The following EFCC1 variants were observed in gnomAD, a reference collection of about 807,000 sequenced individuals.
EFCC1 encodes the protein EF-hand and coiled-coil domain containing 1.
Under a neutral mutation model 52.1 loss-of-function variants are expected in EFCC1, and 50 were observed. The ratio of observed to expected loss-of-function variants is 0.96; its 90% confidence interval spans 0.76 to 1.21. The LOEUF (loss-of-function observed/expected upper bound fraction) is 1.21. EFCC1 is among the 50% of genes most tolerant of loss of function. The pLI is 0.00. For synonymous variants in EFCC1, 399 were observed against 396.5 expected (o/e 1.01, Z -0.08); for missense variants, 837 against 867.3 (o/e 0.97, Z 0.44).
chr3:129,039,676 C>T, intron 7 of EFCC1, 36 bp from the exon 8 acceptor site: 1 of 1,557,514 alleles, frequency 6.4e-7, no homozygotes. Flanking sequence ...GGTGAGCAGA[C>T]TGATCCTGCC....
chr3:129,039,316 G>A lies in EFCC1; in HGVS notation c.1664-396G>A, dbSNP rs930742358. 8.5e-5 allele frequency among the ~76,000 whole-genome samples: 13 copies of A among 152,328 alleles called. 2 individuals carry two copies. Among genetic ancestry groups the A allele is most frequent in the Admixed American group, 5.9e-4 (9 of 15,310 alleles). ...CTTAAGCACTCAATAACATGGACCC[G>A]GTGTTTAGACGAAGCTCAGGGAGCA... is the stretch of plus-strand genomic sequence containing the variant. On this transcript the variant is annotated intron_variant, in intron 7 of 7. Coordinates refer to ENST00000683648, the MANE Select transcript of EFCC1 (RefSeq NM_001377500.1).
chr3:129,019,293 C>T (rs915339818), intron 2 of EFCC1, among the ~76,000 whole-genome samples: 16 of 152,180 alleles, frequency 1.1e-4, no homozygotes, highest in African/African-American at 3.6e-4. Flanking sequence ...GGAGTCTACC[C>T]TTTTGGGTGA....
chr3:129,002,099 G>T lies in EFCC1; in HGVS notation c.471G>T (p.Ala157=). Residue 157 remains alanine (A), a synonymous_variant, in exon 1 of 8, where the codon GCG becomes GCT. Coordinates refer to ENST00000683648, the MANE Select transcript of EFCC1 (RefSeq NM_001377500.1). ...TCTGTGGCTACTTCGGCACCCGTGC[G>T]GGGCCCCGGCTGCCCCGCGGCGCTC... The part of the protein sequence containing the change: ...ARLCGYFGTR[A]GPRLPRGALS... 1 of 1,507,188 alleles carries T rather than the reference G, an allele frequency of 6.6e-7. No individual in the cohort carries two copies. The highest frequency in any genetic ancestry group is 8.8e-7 in the Non-Finnish European group (1 of 1,130,172). 93.4% of individuals were successfully genotyped at this position (1,507,188 alleles called of 1,614,324 possible).
In EFCC1 at chr3:129,001,758, G is replaced by C. The variant is rs1202785164; in HGVS notation, c.130G>C (p.Val44Leu). 3 of 1,541,806 alleles carry C rather than the reference G, an allele frequency of 1.9e-6. No individual in the cohort carries two copies. The highest frequency in any genetic ancestry group is 2.6e-6 in the Non-Finnish European group (3 of 1,145,162). Residue 44 changes from valine to leucine, a missense_variant, in exon 1 of 8, where the codon GTG (valine) becomes CTG (leucine). Physicochemically the swap from Val to Leu is conservative, Grantham distance 32. Transcript: ENST00000683648. ...LAHHYGLDRG[V>L]ENEIVVLATG... ...GCACCACTACGGGCTGGACCGCGGC[G>C]TGGAGAACGAGATCGTGGTGCTGGC...
At chr3:129,027,580 C>CA (rs1576773390) in intron 2 of EFCC1, among the ~76,000 whole-genome samples, 1 of 152,192 alleles carries the variant, frequency 6.6e-6, no homozygotes, top group East Asian at 1.9e-4. Flanking sequence ...CTCCGAATGG[C>CA]ACCTCCCGAG....
At position 129,034,235 on chromosome 3, in the gene EFCC1, C is replaced by A. The variant is rs1284494804; in HGVS notation, c.1358C>A (p.Thr453Asn). Residue 453 changes from threonine to asparagine, a missense_variant, in exon 5 of 8, where the codon ACC becomes AAC. Physicochemically the swap from Thr to Asn is moderately conservative, Grantham distance 65 (BLOSUM62 0). Transcript: ENST00000683648. ...GHFGGANHAH[T>N]LGELEACIAM... ...TTCGGCGGTGCCAACCATGCCCATA[C>A]CCTGGGGGAGCTGGAGGCCTGCATT... 1.2e-6 allele frequency: 2 copies of A among 1,614,086 alleles called. No individual in the cohort carries two copies. Among genetic ancestry groups the A allele is most frequent in the African/African-American group, 2.7e-5 (2 of 74,918 alleles).
rs1201714343 is a variant in EFCC1, at chr3:129,003,986, C to A, written c.889C>A (p.His297Asn). ...EARQVVLRSL[H>N]RVRELEALAQ... ...CCGGCAGGTGGTGCTGCGCAGCCTGCACCGCGTGCGAGAGCTGGAGGCGCT... is the reference window on the plus strand; with the variant it reads ...CCGGCAGGTGGTGCTGCGCAGCCTGAACCGCGTGCGAGAGCTGGAGGCGCT... Residue 297 changes from histidine (H) to asparagine (N), a missense_variant, in exon 2 of 8, where the codon CAC (histidine) becomes AAC (asparagine). Physicochemically the swap from His to Asn is moderately conservative, Grantham distance 68. Coordinates refer to ENST00000683648, the MANE Select transcript of EFCC1 (RefSeq NM_001377500.1). The A allele has an allele frequency of 1.3e-6, 2 of 1,497,728 alleles. No individual in the cohort carries two copies. Among genetic ancestry groups the A allele is most frequent in the African/African-American group, 1.5e-5 (1 of 68,876 alleles). The allele number at this position is 1,497,728 out of a possible 1,614,324, so 92.8% of individuals were successfully genotyped here. A position where few individuals can be genotyped will look rare whatever the true frequency, so the allele number is the denominator to read the frequency against.
chr3:129,038,872 G>C lies in EFCC1; in HGVS notation c.1635G>C (p.Thr545=). Residue 545 remains threonine, a synonymous_variant, in exon 7 of 8, where the codon ACG becomes ACC. Coordinates refer to ENST00000683648, the MANE Select transcript of EFCC1 (RefSeq NM_001377500.1). ...KRALGKILLS[T]LDAFRDPTHE... is the part of the protein sequence containing the mutation. The stretch of plus-strand genomic sequence containing the variant: ...CCCTGGGGAAGATTTTGCTGAGCAC[G>C]CTGGACGCTTTCAGGGACCCCACCC... The C allele has an allele frequency of 6.2e-7, 1 of 1,613,960 alleles. No individual in the cohort carries two copies. Among genetic ancestry groups the C allele is most frequent in the Non-Finnish European group, 8.5e-7 (1 of 1,180,024 alleles).
At chr3:129,027,482 G>T (rs1183623432) in intron 2 of EFCC1, among the ~76,000 whole-genome samples, 1 of 152,174 alleles carries the variant, frequency 6.6e-6, no homozygotes, top group Non-Finnish European at 1.5e-5. Context: ...CAGTCACGCG[G>T]ATCAGCCGCG....
intron 2 of EFCC1, among the ~76,000 whole-genome samples, chr3:129,029,471 C>CA (rs1946223206): frequency 6.6e-6 from 1 of 152,140 alleles, no homozygotes; most frequent in Non-Finnish European, 1.5e-5. Flanking sequence ...TGTGGTGACT[C>CA]ACATCTGAAA....
chr3:129,019,131 G>A (rs1490827011), intron 2 of EFCC1, among the ~76,000 whole-genome samples: 1 of 152,254 alleles, frequency 6.6e-6, no homozygotes, highest in Non-Finnish European at 1.5e-5. Context: ...TGGCCCCAGT[G>A]TGTTCTTTGA....
intron 2 of EFCC1, among the ~76,000 whole-genome samples, chr3:129,017,420 G>A (rs573341216): frequency 1.3e-5 from 2 of 152,242 alleles, no homozygotes; most frequent in East Asian, 1.9e-4. Flanking sequence ...AAGTCCAGGC[G>A]GGCGTGGCGG....
chr3:129,038,965 T>A (rs748061270), intron 7 of EFCC1, 65 bp downstream of exon 7: 23 of 1,335,504 alleles, frequency 1.7e-5, no homozygotes, highest in Non-Finnish European at 2.5e-5. Flanking sequence ...AGGAGGAGAC[T>A]CCAGTGTGCT....
Position 129,040,078 on chromosome 3 carries a change from T to C in EFCC1, c.*230T>C. ...CATTACCTCGCAGCCCCTGCATTCCTGCCACCAGAGTCCACATTAAAGCCC... is the reference window on the plus strand; with the variant it reads ...CATTACCTCGCAGCCCCTGCATTCCCGCCACCAGAGTCCACATTAAAGCCC... On this transcript the variant is annotated 3_prime_UTR_variant, in exon 8 of 8. Coordinates refer to ENST00000683648, the MANE Select transcript of EFCC1 (RefSeq NM_001377500.1). This position sits in a 1 kb window ranked among gnomAD's most constrained non-coding sequence, Gnocchi z 4.4. 1 of 491,806 alleles carries C rather than the reference T, an allele frequency of 2.0e-6. No individual in the cohort carries two copies. The allele number at this position is 491,806 out of a possible 1,614,324, so 30.5% of individuals were successfully genotyped here. A position where few individuals can be genotyped will look rare whatever the true frequency, so the allele number is the denominator to read the frequency against.
chr3:129,031,431 G>A (rs1946270916), intron 3 of EFCC1, among the ~76,000 whole-genome samples: 2 of 152,098 alleles, frequency 1.3e-5, no homozygotes, highest in African/African-American at 4.8e-5. Context: ...ACAGAGTGGG[G>A]CCCTGCCCCC....
In EFCC1 at chr3:129,002,224, G is replaced by C. The variant is rs1419737790; in HGVS notation, c.596G>C (p.Arg199Pro). The part of the protein sequence containing the change: ...PGPDSGPDCE[R>P]VARLEEENSS... ...CCCGACAGCGGTCCTGACTGTGAGC[G>C]CGTTGCGCGGCTGGAGGAGGAGAAT... is the stretch of plus-strand genomic sequence containing the variant. Residue 199 changes from arginine (R) to proline (P), a missense_variant, in exon 1 of 8, where the codon CGC (arginine) becomes CCC (proline). Physicochemically the swap from Arg to Pro is moderately radical, Grantham distance 103 (BLOSUM62 -2). Coordinates refer to ENST00000683648, the MANE Select transcript of EFCC1 (RefSeq NM_001377500.1). The C allele has an allele frequency of 1.3e-6, 2 of 1,528,862 alleles. No homozygotes were observed. Among genetic ancestry groups the C allele is most frequent in the Non-Finnish European group, 1.7e-6 (2 of 1,143,486 alleles). The allele number at this position is 1,528,862 out of a possible 1,614,324, so 94.7% of individuals were successfully genotyped here. A position where few individuals can be genotyped will look rare whatever the true frequency, so the allele number is the denominator to read the frequency against.
At position 129,001,902 on chromosome 3, in the gene EFCC1, G is replaced by C. The variant is rs1283543328; in HGVS notation, c.274G>C (p.Gly92Arg). The change falls in exon 1 of 8, where the codon GGG becomes CGG. Residue 92 changes from glycine to arginine, a missense_variant. Physicochemically the swap from Gly to Arg is moderately radical, Grantham distance 125. Transcript: ENST00000683648. ...CGCTGTGCTGGGGCTGCGCGCGGAGGGGGCCACCACGGCCGGGCAGGCAGC... is the reference window on the plus strand; with the variant it reads ...CGCTGTGCTGGGGCTGCGCGCGGAGCGGGCCACCACGGCCGGGCAGGCAGC... ...LCAVLGLRAE[G>R]ATTAGQAAGD... is the part of the protein sequence containing the mutation. 7 of 1,538,376 alleles carry C rather than the reference G, an allele frequency of 4.6e-6. No individual in the cohort carries two copies. Among genetic ancestry groups the C allele is most frequent in the Middle Eastern group, 1.7e-4 (1 of 5,930 alleles).
intron 6 of EFCC1, among the ~76,000 whole-genome samples, chr3:129,038,268 C>A (rs368164433): frequency 6.6e-6 from 1 of 152,110 alleles, no homozygotes; most frequent in African/African-American, 2.4e-5. Flanking sequence ...CCAGAGCTGC[C>A]GAGGTCCAGC....
intron 2 of EFCC1, among the ~76,000 whole-genome samples, chr3:129,027,082 T>A (rs1452748030): frequency 6.6e-6 from 1 of 152,146 alleles, no homozygotes; most frequent in Non-Finnish European, 1.5e-5. Context: ...GAGGCACAAC[T>A]TCCCGCTTCG....
Sources: allele counts gnomAD v4.1 joint callset (sites outside exome capture counted in the v4.1 genomes callset), GRCh38; gene constraint gnomAD v4.1.1; non-coding constraint Gnocchi (gnomAD v3.1); transcripts MANE v1.5; gene names NCBI Gene and HGNC (gene_info 2026-07-23, HGNC 2026-07-21).